The following ISOC1 variants were observed in gnomAD, a reference collection of about 807,000 sequenced individuals.
ISOC1 encodes isochorismatase domain containing 1, also known as isochorismatase domain-containing protein 1.
A neutral mutation model predicts 30.0 loss-of-function variants in ISOC1; 33 were observed. The observed-to-expected ratio is 1.10, with a 90% CI of 0.83 to 1.47. ISOC1 has a LOEUF of 1.47. Among genes scored for constraint, ISOC1 ranks in the 40% most tolerant of loss-of-function variants. The pLI is 0.00. For synonymous variants in ISOC1, 178 were observed against 159.8 expected, an observed-to-expected ratio of 1.11 and a Z score of -0.86; for missense variants, 372 against 388.0, an observed-to-expected ratio of 0.96 and a Z score of 0.35.
Position 129,105,211 on chromosome 5 carries a change from TC to T in ISOC1, c.458del (p.Pro153LeufsTer4). ...TGCAAGGGGCCCGGATTTTAGGAAT[TC>T]CTGTTATTGTAACAGAACAATACCC... ...LLQGARILGI[P>X]VIVTEQYPKG... On this transcript the variant is annotated frameshift_variant, in exon 3 of 5. Coordinates refer to ENST00000173527, the MANE Select transcript of ISOC1 (RefSeq NM_016048.2). LOFTEE classifies it high-confidence loss of function. The T allele has an allele frequency of 6.2e-7, 1 of 1,613,716 alleles. No individual in the cohort carries two copies. Among genetic ancestry groups the T allele is most frequent in the Non-Finnish European group, 8.5e-7 (1 of 1,179,802 alleles).
chr5:129,112,393 A>G (rs1468797312), intron 4 of ISOC1, among the ~76,000 whole-genome samples: 1 of 152,164 alleles, frequency 6.6e-6, no homozygotes, highest in East Asian at 1.9e-4. Context: ...TAAAAGTTTA[A>G]TAAATTTAGA....
At chr5:129,101,310 A>G (rs1753569504) in intron 1 of ISOC1, among the ~76,000 whole-genome samples, 1 of 151,016 alleles carries the variant, frequency 6.6e-6, no homozygotes, top group African/African-American at 2.4e-5. Flanking sequence ...AGCCTGGGCA[A>G]CATGGTGAAA....
intron 3 of ISOC1, among the ~76,000 whole-genome samples, chr5:129,106,345 C>A (rs17679811): frequency 0.092 from 13,954 of 152,176 alleles, 746 homozygotes; most frequent in South Asian, 0.18. Flanking sequence ...TTGTTGCAGC[C>A]TGTTTTCACT....
intron 1 of ISOC1, among the ~76,000 whole-genome samples, chr5:129,095,515 G>C (rs2150169287): frequency 6.6e-6 from 1 of 152,296 alleles, no homozygotes; most frequent in East Asian, 1.9e-4. Context: ...TGTTCCTAGA[G>C]TTGTGTTAAC....
chr5:129,096,194 A>C (rs529023378), intron 1 of ISOC1, among the ~76,000 whole-genome samples: 1 of 152,306 alleles, frequency 6.6e-6, no homozygotes, highest in African/African-American at 2.4e-5. Context: ...TTTATCATTT[A>C]TTTCTTTGTT....
intron 1 of ISOC1, among the ~76,000 whole-genome samples, chr5:129,100,560 C>T (rs1430110141): frequency 2.0e-5 from 3 of 152,134 alleles, no homozygotes; most frequent in Non-Finnish European, 4.4e-5. Flanking sequence ...AATTGCTATG[C>T]TTTTACTCCT....
At chr5:129,100,452 G>A (rs1279969295) in intron 1 of ISOC1, among the ~76,000 whole-genome samples, 1 of 152,096 alleles carries the variant, frequency 6.6e-6, no homozygotes, top group East Asian at 1.9e-4. Flanking sequence ...GCAAATGTGT[G>A]TGTAGGACTA....
In ISOC1 at chr5:129,106,954, G is replaced by T; in HGVS notation, c.642G>T (p.Val214=). ...TTGTACTTTCCTACTAGACTCATGT[G>T]TGCATCCAACAAACTGCCCTGGAGC... ...SVVLFGVETH[V]CIQQTALELV... The change falls in exon 4 of 5, where the codon GTG becomes GTT. Residue 214 remains valine, a synonymous_variant. Coordinates refer to ENST00000173527, the MANE Select transcript of ISOC1 (RefSeq NM_016048.2). 1.2e-6 allele frequency: 2 copies of T among 1,612,420 alleles called. No individual in the cohort carries two copies. Among genetic ancestry groups the T allele is most frequent in the Non-Finnish European group, 1.7e-6 (2 of 1,178,606 alleles).
chr5:129,112,143 T>C (rs1753716211), intron 4 of ISOC1, among the ~76,000 whole-genome samples: 1 of 152,218 alleles, frequency 6.6e-6, no homozygotes, highest in African/African-American at 2.4e-5. Flanking sequence ...TATATGAAAT[T>C]TGATAGTAAA....
At chr5:129,111,429 G>T (rs73235881) in intron 4 of ISOC1, among the ~76,000 whole-genome samples, 5,260 of 152,178 alleles carry the variant, frequency 0.035, 184 homozygotes, top group African/African-American at 0.096. Context: ...TAAAAATAAA[G>T]AGTCTGCCAG....
chr5:129,100,830 T>G (rs1753561699), intron 1 of ISOC1, among the ~76,000 whole-genome samples: 1 of 151,972 alleles, frequency 6.6e-6, no homozygotes, highest in Non-Finnish European at 1.5e-5. Flanking sequence ...TTTCAGTATG[T>G]TTTTGGTAGC....
At chr5:129,103,363 AG>A (rs1356935414) in intron 1 of ISOC1, among the ~76,000 whole-genome samples, 3 of 152,210 alleles carry the variant, frequency 2.0e-5, no homozygotes, top group African/African-American at 7.2e-5. Context: ...AATTAAGCAA[AG>A]AAACAGCCAA....
At chr5:129,108,620 C>G (rs570987348) in intron 4 of ISOC1, among the ~76,000 whole-genome samples, 2 of 152,004 alleles carry the variant, frequency 1.3e-5, no homozygotes, top group African/African-American at 4.8e-5. Context: ...AAGCAGTTCT[C>G]CCTGTCTCAG....
At position 129,095,039 on chromosome 5, in the gene ISOC1, G is replaced by A. The variant is rs577577233; in HGVS notation, c.273G>A (p.Glu91=). ...VDLPKGFAVS[E]RCKVRLVPLQ... is the part of the protein sequence containing the mutation. ...TGCCCAAGGGCTTCGCGGTGAGCGA[G>A]CGCTGCAAGGTGCGCCTCGTGCCGT... Residue 91 remains glutamate (E), a synonymous_variant, in exon 1 of 5, where the codon GAG becomes GAA. Coordinates refer to ENST00000173527, the MANE Select transcript of ISOC1 (RefSeq NM_016048.2). 7.5e-6 allele frequency: 12 copies of A among 1,594,124 alleles called. No individual in the cohort carries two copies. The East Asian group carries it at 2.3e-4, about 30-fold the overall frequency.
chr5:129,112,916 CTGA>C lies in ISOC1; in HGVS notation c.814_816del (p.Asp272del). The C allele has an allele frequency of 6.2e-7, 1 of 1,613,818 alleles. No homozygotes were observed. ...GAGGCTGTTCTGCTTCAGCTGGTAGCTGATAAGGACCATCCAAAATTCAAGGAA... is the reference window on the plus strand; with the variant it reads ...GAGGCTGTTCTGCTTCAGCTGGTAGCTAAGGACCATCCAAAATTCAAGGAA... On this transcript the variant is annotated inframe_deletion, in exon 5 of 5. Coordinates refer to ENST00000173527, the MANE Select transcript of ISOC1 (RefSeq NM_016048.2).
Position 129,099,050 on chromosome 5 carries a change from T to G in ISOC1, c.309+3975T>G, listed in dbSNP as rs1753541669. The stretch of plus-strand genomic sequence containing the variant: ...GCTGGATCCTGAGGTGGTTGTATTG[T>G]CTCTACCCCATTGGTTTGATGTGTG... On this transcript the variant is annotated intron_variant, in intron 1 of 4. Coordinates refer to ENST00000173527, the MANE Select transcript of ISOC1 (RefSeq NM_016048.2). Among the ~76,000 whole-genome samples, 3 of 152,090 alleles carry G rather than the reference T, an allele frequency of 2.0e-5. No individual in the cohort carries two copies. In the South Asian group the frequency reaches 6.2e-4, roughly 32 times the overall value.
At chr5:129,101,646 A>G (rs1753573750) in intron 1 of ISOC1, among the ~76,000 whole-genome samples, 1 of 152,152 alleles carries the variant, frequency 6.6e-6, no homozygotes. Flanking sequence ...TAACATTAAC[A>G]TTTGATATTC....
chr5:129,110,234 C>G lies in ISOC1; in HGVS notation c.751-2621C>G, dbSNP rs140414865. 5.1e-4 allele frequency among the ~76,000 whole-genome samples: 78 copies of G among 152,222 alleles called. No individual in the cohort carries two copies. In the East Asian group the frequency reaches 0.012, roughly 24 times the overall value. Reference sequence around the variant, plus strand: ...CTTTGGCCTAGTTGGATTAGTTTTGCAAGTGTAAGGGGAGAACTTCAGAAG... The same window carrying G: ...CTTTGGCCTAGTTGGATTAGTTTTGGAAGTGTAAGGGGAGAACTTCAGAAG... On this transcript the variant is annotated intron_variant, in intron 4 of 4. Coordinates refer to ENST00000173527, the MANE Select transcript of ISOC1 (RefSeq NM_016048.2).
rs1347571478 is a variant in ISOC1, at chr5:129,095,012, C to T, written c.246C>T (p.Asp82=). The change falls in exon 1 of 5, where the codon GAC becomes GAT. Residue 82 remains aspartate, a synonymous_variant. Coordinates refer to ENST00000173527, the MANE Select transcript of ISOC1 (RefSeq NM_016048.2). The part of the protein sequence containing the change: ...LFAEEWGQYV[D]LPKGFAVSER... ...CCGAGGAGTGGGGCCAGTACGTGGACTTGCCCAAGGGCTTCGCGGTGAGCG... is the reference window on the plus strand; with the variant it reads ...CCGAGGAGTGGGGCCAGTACGTGGATTTGCCCAAGGGCTTCGCGGTGAGCG... 3 of 1,606,566 alleles carry T rather than the reference C, an allele frequency of 1.9e-6. No homozygotes were observed. Among genetic ancestry groups the T allele is most frequent in the Admixed American group, 3.4e-5 (2 of 59,344 alleles).
Sources: gnomAD v4.1 joint callset for allele counts (sites outside exome capture counted in the v4.1 genomes callset) on GRCh38, gnomAD v4.1.1 for gene constraint, MANE v1.5 for transcripts, NCBI Gene and HGNC (gene_info 2026-07-23, HGNC 2026-07-21) for gene names.